DPP6: variants seen among roughly 807,000 people sequenced by gnomAD.
The protein encoded by DPP6 is A-type potassium channel modulatory protein DPP6.
A neutral mutation model predicts 122.6 loss-of-function variants in DPP6; 69 were observed. The observed-to-expected ratio is 0.56, with a 90% CI of 0.46 to 0.69. The LOEUF is 0.69. Among genes scored for constraint, DPP6 ranks in the 30% least tolerant of loss-of-function variants. The pLI is 0.00. For synonymous variants in DPP6, 418 were observed against 433.1 expected (o/e 0.97, Z 0.43); for missense variants, 928 against 1,116.9 (o/e 0.83, Z 2.41).
intron 3 of DPP6, among the ~76,000 whole-genome samples, chr7:154,534,659 AAAG>A (rs2130164654): frequency 6.6e-6 from 1 of 152,312 alleles, no homozygotes; most frequent in South Asian, 2.1e-4. Context: ...AAATTATTAA[AAAG>A]AAATTCAACA....
At chr7:154,885,412 CAGAAGCGG>C in intron 21 of DPP6, 1 of 573,532 alleles carries the variant, frequency 1.7e-6, no homozygotes, top group Non-Finnish European at 3.0e-6. Flanking sequence ...CACCAAGGCC[CAGAAGCGG>C]AGAAGGCGCA....
At chr7:154,252,964 T>G (rs1036036354) in intron 1 of DPP6, among the ~76,000 whole-genome samples, 2 of 152,178 alleles carry the variant, frequency 1.3e-5, no homozygotes, top group African/African-American at 4.8e-5. Flanking sequence ...TTTAAAAATC[T>G]CTACTAAGAC....
chr7:154,017,708 T>TAAAAAAAAAA (rs945886454), intron 1 of DPP6, among the ~76,000 whole-genome samples: 2 of 52,996 alleles, frequency 3.8e-5, no homozygotes, highest in African/African-American at 1.6e-4. Flanking sequence ...CTAAAAAAAA[T>TAAAAAAAAAA]AAAAAAAAAA....
chr7:154,189,533 A>G (rs1798512221), intron 1 of DPP6, among the ~76,000 whole-genome samples: 1 of 152,196 alleles, frequency 6.6e-6, no homozygotes, highest in Non-Finnish European at 1.5e-5. Flanking sequence ...TTGTTCCGCC[A>G]ACTCAGTCTC....
At chr7:153,856,188 G>T in the DPP6 span, among the ~76,000 whole-genome samples, 3 of 152,144 alleles carry the variant, frequency 2.0e-5, no homozygotes, top group African/African-American at 7.2e-5. Context: ...CTAGGTTGGT[G>T]GTTTTCACTG....
intron 16 of DPP6, among the ~76,000 whole-genome samples, chr7:154,844,384 C>T (rs1396948292): frequency 1.3e-5 from 2 of 152,176 alleles, no homozygotes; most frequent in Non-Finnish European, 2.9e-5. Context: ...TTCGTGTGTT[C>T]GGCATGTCCC....
At chr7:154,430,900 G>A (rs1170742196) in intron 1 of DPP6, among the ~76,000 whole-genome samples, 3 of 31,184 alleles carry the variant, frequency 9.6e-5, no homozygotes, top group African/African-American at 1.4e-4. Context: ...TGTTTCTTTC[G>A]TTAAGTTAAG....
chr7:154,780,366 T>G (rs1010863322), intron 10 of DPP6, among the ~76,000 whole-genome samples: 2 of 152,354 alleles, frequency 1.3e-5, no homozygotes, highest in East Asian at 3.9e-4. Context: ...CATTTTACAT[T>G]GTCATGGCCT....
intron 1 of DPP6, among the ~76,000 whole-genome samples, chr7:153,921,790 T>C (rs1800649465): frequency 6.6e-6 from 1 of 152,162 alleles, no homozygotes; most frequent in African/African-American, 2.4e-5. Flanking sequence ...CTTAGTAGAG[T>C]GTCTTACCTT....
chr7:154,648,692 G>T (rs2130980374), intron 6 of DPP6, among the ~76,000 whole-genome samples: 1 of 152,118 alleles, frequency 6.6e-6, no homozygotes, highest in Non-Finnish European at 1.5e-5. Flanking sequence ...GGCCAAGGTG[G>T]GTGGATCACA....
At chr7:154,857,985 C>A (rs147021277) in intron 17 of DPP6, among the ~76,000 whole-genome samples, 2 of 152,142 alleles carry the variant, frequency 1.3e-5, no homozygotes, top group African/African-American at 4.8e-5. Context: ...AGCCAGCTAG[C>A]GGTTCTGCAT....
chr7:153,949,097 T>A (rs1802085010), intron 1 of DPP6, among the ~76,000 whole-genome samples: 1 of 152,234 alleles, frequency 6.6e-6, no homozygotes, highest in Non-Finnish European at 1.5e-5. Context: ...CTGAGACTCC[T>A]CCTGCAGGCA....
At chr7:154,598,948 G>T (rs1411367629) in intron 5 of DPP6, among the ~76,000 whole-genome samples, 1 of 152,142 alleles carries the variant, frequency 6.6e-6, no homozygotes, top group Non-Finnish European at 1.5e-5. Context: ...CTTGGGTTAA[G>T]GGGGCCAAAT....
chr7:154,658,615 T>C (rs900434612), intron 6 of DPP6, among the ~76,000 whole-genome samples: 4 of 152,080 alleles, frequency 2.6e-5, no homozygotes, highest in Non-Finnish European at 4.4e-5. Flanking sequence ...AGAGTGAGGC[T>C]GATGGAGAGG....
intron 1 of DPP6, among the ~76,000 whole-genome samples, chr7:154,263,743 A>G (rs1278499617): frequency 6.6e-6 from 1 of 152,126 alleles, no homozygotes; most frequent in Non-Finnish European, 1.5e-5. Context: ...GCTGGAGTGC[A>G]ATGGCACGAT....
chr7:154,065,779 A>C (rs974194465), intron 1 of DPP6, among the ~76,000 whole-genome samples: 1 of 151,968 alleles, frequency 6.6e-6, no homozygotes, highest in Non-Finnish European at 1.5e-5. Flanking sequence ...CCTGAGTTGG[A>C]CTCAGGTTTT....
chr7:154,248,470 G>C (rs1397390756), intron 1 of DPP6, among the ~76,000 whole-genome samples: 1 of 152,164 alleles, frequency 6.6e-6, no homozygotes, highest in Non-Finnish European at 1.5e-5. Flanking sequence ...TGACTTGTCA[G>C]GGGAAATCAC....
chr7:154,020,864 G>T lies in DPP6; in HGVS notation c.51+133130G>T, dbSNP rs140768221. ...TGAACTTGGTGGAAGGGGGAAGGCA[G>T]AGCTGGGAAAAGGGCAAGACTCCTT... On this transcript the variant is annotated intron_variant, in intron 1 of 25. Coordinates refer to the DPP6 transcript ENST00000404039. Among the ~76,000 whole-genome samples, 105 of 152,272 alleles carry T rather than the reference G, an allele frequency of 6.9e-4. 1 individual carries two copies. The highest frequency in any genetic ancestry group is 2.4e-3 in the African/African-American group (100 of 41,570).
chr7:153,967,894 T>C (rs1023605978), intron 1 of DPP6, among the ~76,000 whole-genome samples: 6 of 151,930 alleles, frequency 3.9e-5, no homozygotes, highest in Non-Finnish European at 7.3e-5. Context: ...TATGGTTTCA[T>C]TCTTTTTTTA....
Sources: allele counts gnomAD v4.1 joint callset (sites outside exome capture counted in the v4.1 genomes callset), GRCh38; gene constraint gnomAD v4.1.1; transcripts MANE v1.5; gene names NCBI Gene and HGNC (gene_info 2026-07-23, HGNC 2026-07-21).